PCDH9: variants seen among roughly 807,000 people sequenced by gnomAD.
PCDH9 encodes the protein protocadherin 9.
In PCDH9, 24 loss-of-function variants were observed where a neutral mutation model predicts 70.6. The ratio of observed to expected loss-of-function variants is 0.34; its 90% CI spans 0.25 to 0.48. PCDH9 has a LOEUF of 0.48. PCDH9 is among the 20% of genes least tolerant of loss of function. The pLI, the probability that PCDH9 is intolerant of heterozygous loss-of-function variation, is 0.99. For missense variants in PCDH9, 1,281 were observed against 1,503.6 expected (o/e 0.85, Z 2.45); for synonymous variants, 562 against 558.5 (o/e 1.01, Z -0.09).
intron 4 of PCDH9, among the ~76,000 whole-genome samples, chr13:66,381,317 G>T (rs1056495725): frequency 6.6e-6 from 1 of 152,124 alleles, no homozygotes; most frequent in African/African-American, 2.4e-5. Flanking sequence ...CAAGTATGTG[G>T]AGCATCCATT....
At position 66,304,940 on chromosome 13, in the gene PCDH9, C is replaced by A; in HGVS notation, c.3429G>T (p.Trp1143Cys). The change falls in exon 5 of 5, where the codon TGG becomes TGT. Residue 1143 changes from tryptophan (W) to cysteine (C), a missense_variant. Around this residue, in one of 4 missense-constraint regions of PCDH9, gnomAD observed 264 missense variants for 278.8 expected, o/e 0.95. Coordinates refer to ENST00000377865, the MANE Select transcript of PCDH9 (RefSeq NM_203487.3). ...CLVLGHSDNC[W>C]MPPGLGPYQH... ...GATATGGACCCAAGCCAGGAGGCAT[C>A]CAGCAATTATCAGAGTGACCCAAAA... 1 of 1,613,326 alleles carries A rather than the reference C, an allele frequency of 6.2e-7. No homozygotes were observed. Among genetic ancestry groups the A allele is most frequent in the African/African-American group, 1.3e-5 (1 of 74,794 alleles).
chr13:66,685,411 T>A (rs535671499), intron 3 of PCDH9, among the ~76,000 whole-genome samples: 308 of 152,234 alleles, frequency 2.0e-3, no homozygotes, highest in African/African-American at 7.1e-3. Flanking sequence ...TCCACCTATA[T>A]CCCAGAGGAT....
At chr13:66,357,638 G>T (rs1459497207) in intron 4 of PCDH9, among the ~76,000 whole-genome samples, 1 of 152,004 alleles carries the variant, frequency 6.6e-6, no homozygotes, top group Non-Finnish European at 1.5e-5. Flanking sequence ...TGGATACAAA[G>T]ATTCAACCTC....
intron 4 of PCDH9, among the ~76,000 whole-genome samples, chr13:66,495,379 A>C (rs1257798854): frequency 1.3e-5 from 2 of 152,186 alleles, no homozygotes; most frequent in Non-Finnish European, 2.9e-5. Context: ...CTGACTCTGG[A>C]ATAAATAATC....
chr13:66,601,352 C>A (rs1035364135), intron 4 of PCDH9, among the ~76,000 whole-genome samples: 2 of 146,008 alleles, frequency 1.4e-5, no homozygotes, highest in East Asian at 1.9e-4. Flanking sequence ...AACACACACA[C>A]CCCTCTGGAT....
At chr13:66,687,279 C>G (rs1407851970) in intron 3 of PCDH9, among the ~76,000 whole-genome samples, 2 of 152,090 alleles carry the variant, frequency 1.3e-5, no homozygotes, top group Non-Finnish European at 2.9e-5. Flanking sequence ...TTTCTCTTCT[C>G]CAACATTTGA....
intron 4 of PCDH9, among the ~76,000 whole-genome samples, chr13:66,622,670 G>A (rs930697978): frequency 1.3e-5 from 2 of 152,148 alleles, no homozygotes; most frequent in Non-Finnish European, 2.9e-5. Context: ...CTCAGGGATT[G>A]TAAACGCACC....
chr13:66,996,231 G>A (rs933248741), intron 2 of PCDH9: 3 of 152,128 alleles, frequency 2.0e-5, no homozygotes, highest in African/African-American at 7.2e-5. Flanking sequence ...GGTAGTTGGA[G>A]TACATTGGTG....
At chr13:67,071,888 C>CAAAAAAA (rs5804309) in intron 2 of PCDH9, among the ~76,000 whole-genome samples, 3 of 86,686 alleles carry the variant, frequency 3.5e-5, no homozygotes, top group Non-Finnish European at 4.6e-5. Flanking sequence ...GACTTTGTCT[C>CAAAAAAA]AAAAAAAAAA....
intron 2 of PCDH9, among the ~76,000 whole-genome samples, chr13:67,118,290 T>C (rs2086815503): frequency 6.6e-6 from 1 of 152,170 alleles, no homozygotes; most frequent in East Asian, 1.9e-4. Context: ...GTTGGTACTT[T>C]TATTCAGTGT....
At chr13:67,086,768 C>T (rs2086116579) in intron 2 of PCDH9, among the ~76,000 whole-genome samples, 1 of 151,964 alleles carries the variant, frequency 6.6e-6, no homozygotes, top group African/African-American at 2.4e-5. Context: ...AAAATCTTTA[C>T]AATAAAGAAA....
At chr13:66,569,933 T>G (rs1044179702) in intron 4 of PCDH9, among the ~76,000 whole-genome samples, 1 of 152,300 alleles carries the variant, frequency 6.6e-6, no homozygotes, top group Non-Finnish European at 1.5e-5. Flanking sequence ...AAATAAAAAT[T>G]TCTTTGATTT....
At chr13:66,399,549 C>T (rs1490661325) in intron 4 of PCDH9, among the ~76,000 whole-genome samples, 2 of 152,044 alleles carry the variant, frequency 1.3e-5, no homozygotes, top group Non-Finnish European at 2.9e-5. Context: ...AATATGAAAA[C>T]ACATTTGAGT....
rs185552665 is a variant in PCDH9, at chr13:66,426,049, G to A, written c.3341-121021C>T. ...GACGTCATGTTATGTGGTAGAAGCC[G>A]ATAGGTACTGATAAGACAGAAAGAA... On this transcript the variant is annotated intron_variant, in intron 4 of 4. Coordinates refer to ENST00000377865, the MANE Select transcript of PCDH9 (RefSeq NM_203487.3). 4.2e-3 allele frequency among the ~76,000 whole-genome samples: 642 copies of A among 151,666 alleles called. 7 individuals carry two copies. The highest frequency in any genetic ancestry group is 0.014 in the African/African-American group (586 of 41,472).
At chr13:67,097,721 T>A (rs1283213836) in intron 2 of PCDH9, among the ~76,000 whole-genome samples, 1 of 152,114 alleles carries the variant, frequency 6.6e-6, no homozygotes, top group Admixed American at 6.6e-5. Flanking sequence ...AGAAAATTTA[T>A]GGTGGGAAAA....
At chr13:66,800,421 T>C (rs2080308769) in intron 3 of PCDH9, among the ~76,000 whole-genome samples, 1 of 152,160 alleles carries the variant, frequency 6.6e-6, no homozygotes, top group African/African-American at 2.4e-5. Flanking sequence ...ATTCTATTTT[T>C]TTATCACTAC....
intron 3 of PCDH9, among the ~76,000 whole-genome samples, chr13:66,815,487 A>T (rs1421285676): frequency 6.6e-6 from 1 of 152,174 alleles, no homozygotes; most frequent in Non-Finnish European, 1.5e-5. Flanking sequence ...TTCATTGCAG[A>T]ACTATTCACA....
chr13:67,072,760 T>C (rs556453170), intron 2 of PCDH9, among the ~76,000 whole-genome samples: 2 of 152,140 alleles, frequency 1.3e-5, no homozygotes, highest in East Asian at 3.9e-4. Context: ...TTACGGTAAA[T>C]ATTTCAAAAT....
intron 4 of PCDH9, among the ~76,000 whole-genome samples, chr13:66,436,114 A>G (rs967582772): frequency 6.6e-6 from 1 of 152,100 alleles, no homozygotes. Context: ...ATTTAAATTA[A>G]ATATGGGGAG....
Sources: gnomAD v4.1 joint callset for allele counts (sites outside exome capture counted in the v4.1 genomes callset) on GRCh38, gnomAD v4.1.1 for gene constraint, gnomAD v4.1.1 regional missense constraint, MANE v1.5 for transcripts, NCBI Gene and HGNC (gene_info 2026-07-23, HGNC 2026-07-21) for gene names.